CCSER1: variants seen among roughly 807,000 people sequenced by gnomAD.
CCSER1 encodes coiled-coil serine rich protein 1, also known as serine-rich coiled-coil domain-containing protein 1.
CCSER1 carries 41 observed loss-of-function variants against 82.0 expected under a neutral mutation model. That is an observed-to-expected ratio of 0.50 (90% CI 0.39 to 0.65). The LOEUF (loss-of-function observed/expected upper bound fraction) is 0.65, where lower values mean the gene tolerates loss of function less well. Among genes scored for constraint, CCSER1 ranks in the 30% least tolerant of loss-of-function variants. The pLI is 0.00. For missense variants in CCSER1, 1,119 were observed against 1,064.2 expected, an observed-to-expected ratio of 1.05 and a Z score of -0.72; for synonymous variants, 414 against 383.9, an observed-to-expected ratio of 1.08 and a Z score of -0.92.
At chr4:91,502,304 T>C (rs1295859405) in intron 10 of CCSER1, among the ~76,000 whole-genome samples, 1 of 152,222 alleles carries the variant, frequency 6.6e-6, no homozygotes, top group Non-Finnish European at 1.5e-5. Flanking sequence ...CTTTGTTTTA[T>C]CAGGAAGAAT....
At chr4:91,538,698 C>CATATATTATATATATATAATATATAT in intron 10 of CCSER1, among the ~76,000 whole-genome samples, 1 of 138,340 alleles carries the variant, frequency 7.2e-6, no homozygotes, top group Non-Finnish European at 1.5e-5. Context: ...TATATATACA[C>CATATATTATATATATATAATATATAT]ATATATATAT....
At chr4:90,711,618 T>C (rs950309791) in intron 6 of CCSER1, among the ~76,000 whole-genome samples, 2 of 152,200 alleles carry the variant, frequency 1.3e-5, no homozygotes, top group Admixed American at 1.3e-4. Flanking sequence ...GTTCTGTTTA[T>C]GTGTCAAATG....
intron 10 of CCSER1, among the ~76,000 whole-genome samples, chr4:91,404,186 A>T (rs1420575270): frequency 6.6e-6 from 1 of 151,944 alleles, no homozygotes; most frequent in Non-Finnish European, 1.5e-5. Context: ...CTTTGCATAG[A>T]GGTGTTTATA....
intron 10 of CCSER1, among the ~76,000 whole-genome samples, chr4:91,243,174 T>G (rs1739502148): frequency 1.3e-5 from 2 of 152,162 alleles, no homozygotes; most frequent in African/African-American, 2.4e-5. Flanking sequence ...AAAGCCAAGC[T>G]GGGCTTAGCC....
At chr4:91,097,255 A>G (rs1389684960) in intron 10 of CCSER1, among the ~76,000 whole-genome samples, 1 of 152,214 alleles carries the variant, frequency 6.6e-6, no homozygotes, top group African/African-American at 2.4e-5. Context: ...TCAGGAATAA[A>G]TATTTAGCTT....
chr4:91,225,166 GTGTGT>G (rs1738047050), intron 10 of CCSER1, among the ~76,000 whole-genome samples: 1 of 86,772 alleles, frequency 1.2e-5, no homozygotes, highest in Non-Finnish European at 2.2e-5. Flanking sequence ...ATATATATAT[GTGTGT>G]GTGTATATAT....
intron 9 of CCSER1, among the ~76,000 whole-genome samples, chr4:91,030,760 G>C (rs751636014): frequency 6.6e-6 from 1 of 151,704 alleles, no homozygotes; most frequent in Non-Finnish European, 1.5e-5. Context: ...GAACCAAATG[G>C]AGCAAATTAA....
intron 10 of CCSER1, among the ~76,000 whole-genome samples, chr4:91,264,055 G>A (rs1235170365): frequency 6.6e-6 from 1 of 151,890 alleles, no homozygotes; most frequent in Non-Finnish European, 1.5e-5. Flanking sequence ...ACACTACCAT[G>A]TACCCGAACC....
At chr4:90,528,434 C>T (rs1445577166) in intron 5 of CCSER1, among the ~76,000 whole-genome samples, 1 of 152,134 alleles carries the variant, frequency 6.6e-6, no homozygotes, top group Non-Finnish European at 1.5e-5. Flanking sequence ...TCCAGAAACA[C>T]AGCTAATAGA....
intron 10 of CCSER1, among the ~76,000 whole-genome samples, chr4:91,207,791 T>C (rs1736466528): frequency 6.6e-6 from 1 of 151,918 alleles, no homozygotes; most frequent in East Asian, 1.9e-4. Context: ...TTTTAATTCT[T>C]TGAAGAATTG....
chr4:90,244,640 G>A (rs1321961190), intron 1 of CCSER1, among the ~76,000 whole-genome samples: 4 of 152,154 alleles, frequency 2.6e-5, no homozygotes, highest in Non-Finnish European at 4.4e-5. Flanking sequence ...AGAGAGAAGT[G>A]AGGATGCAGG....
At chr4:90,955,366 A>G (rs1733329891) in intron 9 of CCSER1, among the ~76,000 whole-genome samples, 1 of 152,304 alleles carries the variant, frequency 6.6e-6, no homozygotes, top group Non-Finnish European at 1.5e-5. Context: ...GCAGCAGGCA[A>G]GCATTAGCTC....
chr4:90,959,940 A>G (rs1335453928), intron 9 of CCSER1, among the ~76,000 whole-genome samples: 18 of 151,940 alleles, frequency 1.2e-4, no homozygotes, highest in Admixed American at 1.1e-3. Context: ...CTAATACCCA[A>G]ATCCAGAATT....
chr4:91,160,215 G>A (rs1043331550), intron 10 of CCSER1, among the ~76,000 whole-genome samples: 2 of 152,258 alleles, frequency 1.3e-5, no homozygotes, highest in African/African-American at 4.8e-5. Context: ...TCCCTACAAA[G>A]GACATGAACT....
intron 8 of CCSER1, among the ~76,000 whole-genome samples, chr4:90,894,352 G>GTTGAT (rs1670017165): frequency 6.6e-6 from 1 of 151,986 alleles, no homozygotes; most frequent in African/African-American, 2.4e-5. Context: ...AAAGGAAATA[G>GTTGAT]TTGATCTATG....
intron 10 of CCSER1, among the ~76,000 whole-genome samples, chr4:91,212,508 T>C (rs1736901571): frequency 6.6e-6 from 1 of 152,062 alleles, no homozygotes; most frequent in South Asian, 2.1e-4. Flanking sequence ...TCAGCAGGAA[T>C]GCCACCTGTG....
In CCSER1 at chr4:90,741,992, A is replaced by G. The variant is rs149088585; in HGVS notation, c.2010+18001A>G. 5.2e-3 allele frequency among the ~76,000 whole-genome samples: 799 copies of G among 152,322 alleles called. 6 individuals are homozygous for G. The highest frequency in any genetic ancestry group is 0.018 in the African/African-American group (767 of 41,576). On this transcript the variant is annotated intron_variant, in intron 7 of 10. Coordinates refer to ENST00000509176, the MANE Select transcript of CCSER1 (RefSeq NM_001145065.2). ...ATTGACTCATAGTTCCATAGACCATACAGGAGGCATGCCTAGATAGGCCTC... is the reference window on the plus strand; with the variant it reads ...ATTGACTCATAGTTCCATAGACCATGCAGGAGGCATGCCTAGATAGGCCTC...
intron 10 of CCSER1, among the ~76,000 whole-genome samples, chr4:91,282,069 A>G (rs567761682): frequency 6.6e-6 from 1 of 152,278 alleles, no homozygotes; most frequent in East Asian, 1.9e-4. Flanking sequence ...TGTCGCAAAT[A>G]TTGGTGAGTC....
Position 90,319,301 on chromosome 4 carries a change from G to A in CCSER1, c.1509+6254G>A, listed in dbSNP as rs186862747. Among the ~76,000 whole-genome samples, 19 of 152,252 alleles carry A rather than the reference G, an allele frequency of 1.2e-4. No individual in the cohort carries two copies. The East Asian group carries it at 3.5e-3, about 28-fold the overall frequency. ...AAAAGAATCCCACTGGGCTCATTTG[G>A]TATATACACCTTCACACTTCTGTTT... On this transcript the variant is annotated intron_variant, in intron 3 of 10. Transcript: ENST00000509176.
Sources: gnomAD v4.1 joint callset for allele counts (sites outside exome capture counted in the v4.1 genomes callset) on GRCh38, gnomAD v4.1.1 for gene constraint, MANE v1.5 for transcripts, NCBI Gene and HGNC (gene_info 2026-07-23, HGNC 2026-07-21) for gene names.